Variants in NCOR1 observed in about 807,000 individuals in gnomAD.
NCOR1 encodes nuclear receptor corepressor 1, also known as protein phosphatase 1, regulatory subunit 109.
Under a neutral mutation model 288.1 loss-of-function variants are expected in NCOR1, and 63 were observed. That is an observed-to-expected ratio of 0.22 (90% CI 0.18 to 0.27). The LOEUF (loss-of-function observed/expected upper bound fraction) is 0.27. Ranked by LOEUF, NCOR1 falls within the 10% of genes least tolerant of loss-of-function variation. The pLI, the probability that NCOR1 is intolerant of heterozygous loss-of-function variation, is 1.00. For missense variants in NCOR1, 2,397 were observed against 3,019.2 expected, an observed-to-expected ratio of 0.79 and a Z score of 4.83; for synonymous variants, 1,007 against 1,065.9, an observed-to-expected ratio of 0.94 and a Z score of 1.08.
At chr17:16,073,329 G>A in intron 28 of NCOR1, 100 bp downstream of exon 28, 1 of 1,041,742 alleles carries the variant, frequency 9.6e-7, no homozygotes, top group Non-Finnish European at 1.3e-6. Context: ...ATACATTTCA[G>A]GTGGAAATGA....
rs1262866868 is a variant in NCOR1 at position 16,196,079 on chromosome 17, C to T, written c.-70-1440G>A. Among the ~76,000 whole-genome samples, 4 of 149,936 alleles carry T rather than the reference C, an allele frequency of 2.7e-5. No individual in the cohort carries two copies. The East Asian group carries it at 5.8e-4, about 22-fold the overall frequency. On this transcript the variant is annotated intron_variant, in intron 1 of 45. Coordinates refer to ENST00000268712, the MANE Select transcript of NCOR1 (RefSeq NM_006311.4). Reference sequence around the variant, plus strand: ...TTTAAGACAGGAGTTCTATTATTACCTAATTGGGTGGTTTTAAAAAATAGA... The same window carrying T: ...TTTAAGACAGGAGTTCTATTATTACTTAATTGGGTGGTTTTAAAAAATAGA...
intron 15 of NCOR1, among the ~76,000 whole-genome samples, chr17:16,123,925 T>TC (rs2073505825): frequency 6.6e-6 from 1 of 152,226 alleles, no homozygotes; most frequent in Non-Finnish European, 1.5e-5. Context: ...ACATTCTCCC[T>TC]AAGACCTAGC....
At chr17:16,086,157 T>G in intron 23 of NCOR1, 125 bp downstream of exon 23, 1 of 1,121,450 alleles carries the variant, frequency 8.9e-7, no homozygotes, top group East Asian at 2.4e-5. Flanking sequence ...CATTATCTCT[T>G]GAAACTTCAT....
At chr17:16,080,350 C>A in intron 25 of NCOR1, 58 bp downstream of exon 25, 1 of 1,351,386 alleles carries the variant, frequency 7.4e-7, no homozygotes, top group Non-Finnish European at 1.0e-6. Context: ...TAATAACTTA[C>A]TTTAATAAAT....
At position 16,063,993 on chromosome 17, in the gene NCOR1, T is replaced by G. The variant is rs2060828679; in HGVS notation, c.5221+75A>C. ...TTTTTGTTTCCATCAAAACTTTTTG[T>G]GCGCAGCATTAAGCACAGTGTACAA... On this transcript the variant is annotated intron_variant, in intron 35 of 45. Transcript: ENST00000268712. The G allele has an allele frequency of 3.5e-6, 5 of 1,447,288 alleles. No homozygotes were observed. In the East Asian group the frequency reaches 1.3e-4, roughly 37 times the overall value. The allele number at this position is 1,447,288 out of a possible 1,614,324, so 89.7% of individuals were successfully genotyped here.
intron 44 of NCOR1, among the ~76,000 whole-genome samples, chr17:16,035,195 T>G (rs1349356040): frequency 2.0e-5 from 3 of 152,186 alleles, no homozygotes; most frequent in Admixed American, 6.5e-5. Flanking sequence ...TGCATGGCGG[T>G]TGCCAAAGGC....
intron 40 of NCOR1, among the ~76,000 whole-genome samples, chr17:16,053,708 A>G (rs1314337424): frequency 1.3e-5 from 2 of 152,154 alleles, no homozygotes; most frequent in Non-Finnish European, 2.9e-5. Flanking sequence ...AAATTAATAT[A>G]GATCCAAAAA....
chr17:16,079,359 A>G (rs570648676), intron 26 of NCOR1, among the ~76,000 whole-genome samples: 8 of 152,248 alleles, frequency 5.3e-5, no homozygotes, highest in Non-Finnish European at 1.0e-4. Flanking sequence ...GTTTCTGTTT[A>G]CAATGATTTC....
chr17:16,142,410 ACT>A (rs1193763165), intron 11 of NCOR1, among the ~76,000 whole-genome samples: 3 of 152,092 alleles, frequency 2.0e-5, no homozygotes, highest in African/African-American at 4.8e-5. Context: ...AATAAACAAG[ACT>A]CTCAGAATTT....
intron 3 of NCOR1, among the ~76,000 whole-genome samples, chr17:16,175,556 T>TA (rs2083986399): frequency 6.6e-6 from 1 of 152,186 alleles, no homozygotes; most frequent in Non-Finnish European, 1.5e-5. Context: ...GATTTCTTGC[T>TA]AAAAGAGAAT....
At chr17:16,078,749 T>G (rs1479029100) in intron 26 of NCOR1, among the ~76,000 whole-genome samples, 1 of 152,120 alleles carries the variant, frequency 6.6e-6, no homozygotes, top group Non-Finnish European at 1.5e-5. Context: ...CTAATTTTTG[T>G]ATTTTTAGTA....
At chr17:16,058,212 A>G (rs2060149569) in intron 38 of NCOR1, 148 bp from the exon 39 acceptor site, 7 of 1,014,134 alleles carry the variant, frequency 6.9e-6, no homozygotes, top group Non-Finnish European at 9.7e-6. Flanking sequence ...GAGAAAAAAA[A>G]AATTATTCAC....
chr17:16,124,098 T>C (rs544901629), intron 15 of NCOR1, among the ~76,000 whole-genome samples: 2 of 152,326 alleles, frequency 1.3e-5, no homozygotes, highest in African/African-American at 4.8e-5. Flanking sequence ...CTTAGAGGTA[T>C]CTTCCTCAGG....
chr17:16,061,999 A>G, intron 36 of NCOR1, 105 bp from the exon 37 acceptor site: 1 of 1,570,796 alleles, frequency 6.4e-7, no homozygotes, highest in Non-Finnish European at 8.6e-7. Flanking sequence ...AAAAGCCTTC[A>G]TGGCATGGGC....
chr17:16,077,468 G>A (rs1487999339), intron 26 of NCOR1, among the ~76,000 whole-genome samples: 2 of 16,840 alleles, frequency 1.2e-4, no homozygotes, highest in East Asian at 1.9e-3. Flanking sequence ...GAGAGGGGAG[G>A]AGAGGGGAGG....
chr17:16,155,298 C>G (rs1246640908), intron 6 of NCOR1, among the ~76,000 whole-genome samples: 1 of 149,704 alleles, frequency 6.7e-6, no homozygotes, highest in Non-Finnish European at 1.5e-5. Context: ...TTGCAGTGAG[C>G]CAAGATCGTG....
intron 3 of NCOR1, among the ~76,000 whole-genome samples, chr17:16,185,761 T>C (rs1016670216): frequency 5.0e-5 from 7 of 138,742 alleles, no homozygotes; most frequent in African/African-American, 1.9e-4. Flanking sequence ...AGCTCAGGAG[T>C]TCAAGACTAG....
At chr17:16,072,748 T>C (rs566849224) in intron 28 of NCOR1, among the ~76,000 whole-genome samples, 1 of 152,352 alleles carries the variant, frequency 6.6e-6, no homozygotes, top group African/African-American at 2.4e-5. Context: ...TGTGTGTTTT[T>C]AACATAGAGA....
chr17:16,163,987 G>A (rs878907834), intron 5 of NCOR1, among the ~76,000 whole-genome samples: 2 of 152,194 alleles, frequency 1.3e-5, no homozygotes, highest in Non-Finnish European at 2.9e-5. Context: ...AGGGGTTGGG[G>A]AAAAGGGGAA....
Sources: allele counts gnomAD v4.1 joint callset (sites outside exome capture counted in the v4.1 genomes callset), GRCh38; gene constraint gnomAD v4.1.1; transcripts MANE v1.5; gene names NCBI Gene and HGNC (gene_info 2026-07-23, HGNC 2026-07-21).